Variants in PCDHGA4 observed in about 807,000 individuals in gnomAD.
PCDHGA4 encodes the protein protocadherin gamma-A4.
PCDHGA4 carries 38 observed loss-of-function variants against 54.6 expected under a neutral mutation model. The observed-to-expected ratio is 0.70, with a 90% CI of 0.54 to 0.91. The LOEUF (loss-of-function observed/expected upper bound fraction) is 0.91. Ranked by LOEUF, PCDHGA4 falls within the 40% of genes least tolerant of loss-of-function variation. The probability of loss-of-function intolerance (pLI) is 0.00; values close to 1 mark genes in which losing one functional copy is unlikely to be tolerated. For missense variants in PCDHGA4, 1,298 were observed against 1,220.9 expected, an observed-to-expected ratio of 1.06 and a Z score of -0.94; for synonymous variants, 511 against 512.9, an observed-to-expected ratio of 1.00 and a Z score of 0.05.
intron 1 of PCDHGA4, chr5:141,389,851 CCA>C (rs2091943018): frequency 6.2e-7 from 1 of 1,613,936 alleles, no homozygotes; most frequent in Non-Finnish European, 8.5e-7. Context: ...TCGGCCACTG[CCA>C]CGTTGCACCT....
At chr5:141,494,755 C>T (rs1246224213) in intron 1 of PCDHGA4, 52 bp from the exon 2 acceptor site, 18 of 1,613,724 alleles carry the variant, frequency 1.1e-5, no homozygotes, top group African/African-American at 1.3e-5. Context: ...GCTCGGGTGA[C>T]ATTCTAACTT....
At position 141,409,547 on chromosome 5, in the gene PCDHGA4, G is replaced by T. The variant is rs760802690; in HGVS notation, c.2514+51926G>T. Reference sequence around the variant, plus strand: ...GTATGTCGCTGACATCAACGACAACGCCCCAGTTTTCGACCAGACGTCCTA... The same window carrying T: ...GTATGTCGCTGACATCAACGACAACTCCCCAGTTTTCGACCAGACGTCCTA... On this transcript the variant is annotated intron_variant, in intron 1 of 3. Coordinates refer to ENST00000571252, the MANE Select transcript of PCDHGA4 (RefSeq NM_018917.4). The T allele has an allele frequency of 2.4e-5, 39 of 1,613,818 alleles. No individual in the cohort carries two copies. The highest frequency in any genetic ancestry group is 3.1e-5 in the Non-Finnish European group (36 of 1,179,900).
intron 1 of PCDHGA4, among the ~76,000 whole-genome samples, chr5:141,401,525 G>A (rs1055771013): frequency 6.6e-6 from 1 of 152,096 alleles, no homozygotes; most frequent in Non-Finnish European, 1.5e-5. Flanking sequence ...ATTACCAGAA[G>A]AAACTTACAA....
intron 1 of PCDHGA4, chr5:141,398,763 G>C (rs767181565): frequency 3.7e-6 from 6 of 1,613,788 alleles, no homozygotes; most frequent in Non-Finnish European, 5.1e-6. Flanking sequence ...GTTTAGTCCT[G>C]ACTGCCTTGG....
intron 1 of PCDHGA4, chr5:141,415,732 T>G (rs1159160519): frequency 5.0e-6 from 7 of 1,411,138 alleles, no homozygotes; most frequent in Non-Finnish European, 6.5e-6. Context: ...AATTTGATGT[T>G]TATTAAGGTT....
At chr5:141,389,843 G>T (rs372102656) in intron 1 of PCDHGA4, 3 of 1,614,016 alleles carry the variant, frequency 1.9e-6, no homozygotes, top group Non-Finnish European at 2.5e-6. Context: ...CACCACTCTC[G>T]GCCACTGCCA....
At position 141,422,119 on chromosome 5, in the gene PCDHGA4, C is replaced by T. The variant is rs778866054; in HGVS notation, c.2514+64498C>T. 26 of 1,603,658 alleles carry T rather than the reference C, an allele frequency of 1.6e-5. No homozygotes were observed. In the Admixed American group the frequency reaches 4.2e-4, roughly 26 times the overall value. ...TTCTGAAATATTCCAATTGGATTCA[C>T]AAACTGGAGAAGTTCAAGTACGGGG... On this transcript the variant is annotated intron_variant, in intron 1 of 3. Transcript: ENST00000571252.
In PCDHGA4 at chr5:141,487,160, G is replaced by A. The variant is rs1188929436; in HGVS notation, c.2515-7647G>A. 5.0e-6 allele frequency: 8 copies of A among 1,613,830 alleles called. No homozygotes were observed. The highest frequency in any genetic ancestry group is 5.1e-6 in the Non-Finnish European group (6 of 1,179,840). ...ACTCTCTACCTCTGTTACTCTCTTA[G>A]TGTCCTTAGAGGAAGACACTCATCC... On this transcript the variant is annotated intron_variant, in intron 1 of 3. Transcript: ENST00000571252. The surrounding 1 kb of genome is among the most constrained non-coding windows in gnomAD (Gnocchi z 5.0).
chr5:141,430,404 A>C (rs1054341813), intron 1 of PCDHGA4, among the ~76,000 whole-genome samples: 1 of 152,000 alleles, frequency 6.6e-6, no homozygotes, highest in African/African-American at 2.4e-5. Context: ...AAAGCTCACT[A>C]AAGTTTCTAT....
rs1309165721 is a variant in PCDHGA4 at position 141,430,655 on chromosome 5, G to A, written c.2515-64152G>A. On this transcript the variant is annotated intron_variant, in intron 1 of 3. Coordinates refer to ENST00000571252, the MANE Select transcript of PCDHGA4 (RefSeq NM_018917.4). Reference sequence around the variant, plus strand: ...ATCCCTGGGAGTATGTGGAAACAACGGAGGAGCTCTGACTTCCCAACTGTC... The same window carrying A: ...ATCCCTGGGAGTATGTGGAAACAACAGAGGAGCTCTGACTTCCCAACTGTC... 4.6e-6 allele frequency: 5 copies of A among 1,084,938 alleles called. No individual in the cohort carries two copies. In the East Asian group the frequency reaches 7.8e-5, roughly 17 times the overall value. 67.2% of individuals were successfully genotyped at this position (1,084,938 alleles called of 1,614,324 possible).
chr5:141,489,594 T>A lies in PCDHGA4; in HGVS notation c.2515-5213T>A. The A allele has an allele frequency of 2.5e-6, 4 of 1,614,076 alleles. No homozygotes were observed. Among genetic ancestry groups the A allele is most frequent in the Non-Finnish European group, 3.4e-6 (4 of 1,179,982 alleles). ...CTGAACACCCCCTGGAGCTAATCCG[T>A]GTAGAGGTAGAGATCCTGGATCTCA... On this transcript the variant is annotated intron_variant, in intron 1 of 3. Coordinates refer to ENST00000571252, the MANE Select transcript of PCDHGA4 (RefSeq NM_018917.4). This position sits in a 1 kb window ranked among gnomAD's most constrained non-coding sequence, Gnocchi z 4.5.
intron 1 of PCDHGA4, among the ~76,000 whole-genome samples, chr5:141,387,076 G>T (rs531327789): frequency 2.8e-4 from 42 of 152,310 alleles, no homozygotes; most frequent in African/African-American, 9.4e-4. Flanking sequence ...GTAGGCTACT[G>T]CCTGTGATCA....
rs899154780 is a variant in PCDHGA4, at chr5:141,402,932, A to C, written c.2514+45311A>C. ...AGCGCGCACAGAGATCCTTTTGAGAAAATTCCAAAGCGAGGCAGCAATGGC... is the reference window on the plus strand; with the variant it reads ...AGCGCGCACAGAGATCCTTTTGAGACAATTCCAAAGCGAGGCAGCAATGGC... On this transcript the variant is annotated intron_variant, in intron 1 of 3. Coordinates refer to ENST00000571252, the MANE Select transcript of PCDHGA4 (RefSeq NM_018917.4). 3 of 1,584,974 alleles carry C rather than the reference A, an allele frequency of 1.9e-6. No individual in the cohort carries two copies. In the Admixed American group the frequency reaches 5.4e-5, roughly 29 times the overall value.
At chr5:141,383,570 G>T in intron 1 of PCDHGA4, 2 of 1,613,234 alleles carry the variant, frequency 1.2e-6, no homozygotes, top group Non-Finnish European at 1.7e-6. Context: ...CCCCGATCCA[G>T]CACCGCCCAC....
chr5:141,422,087 G>A, intron 1 of PCDHGA4: 6 of 1,611,966 alleles, frequency 3.7e-6, no homozygotes, highest in Non-Finnish European at 5.1e-6. Context: ...AACATGGAAA[G>A]CAAGGCTTCT....
rs1368451336 is a variant in PCDHGA4 at position 141,505,377 on chromosome 5, C to T, written c.2574-16C>T. ...CGGCCTGGGAGTCTGTGCTCACCAT[C>T]CTACTCTCTCCCCAGCTCCCAAAAT... On this transcript the variant is annotated splice_polypyrimidine_tract_variant and intron_variant, in intron 2 of 3. Transcript: ENST00000571252. The T allele has an allele frequency of 6.2e-7, 1 of 1,614,036 alleles. No individual in the cohort carries two copies. Among genetic ancestry groups the T allele is most frequent in the Non-Finnish European group, 8.5e-7 (1 of 1,179,954 alleles).
rs748105196 is a variant in PCDHGA4 at position 141,486,849 on chromosome 5, A to G, written c.2515-7958A>G. ...GTTCGTCTATTTGTGCTGGACCTCA[A>G]TGACAATGCTCCAGCTGTGCTCCGT... is the stretch of plus-strand genomic sequence containing the variant. On this transcript the variant is annotated intron_variant, in intron 1 of 3. Coordinates refer to ENST00000571252, the MANE Select transcript of PCDHGA4 (RefSeq NM_018917.4). The surrounding 1 kb of genome is among the most constrained non-coding windows in gnomAD (Gnocchi z 5.0). 4.3e-6 allele frequency: 7 copies of G among 1,614,110 alleles called. No individual in the cohort carries two copies. The highest frequency in any genetic ancestry group is 5.1e-6 in the Non-Finnish European group (6 of 1,180,036).
At chr5:141,478,804 G>C (rs765938054) in intron 1 of PCDHGA4, 48 of 1,462,396 alleles carry the variant, frequency 3.3e-5, no homozygotes, top group Non-Finnish European at 4.1e-5. Context: ...GCACTCTTTT[G>C]CTATCACAAC....
Position 141,474,403 on chromosome 5 carries a change from C to T in PCDHGA4, c.2515-20404C>T, listed in dbSNP as rs553745731. ...ATTTCTGCATTTCTAACAAGCTCCC[C>T]GGTGATGCCTAGACCATTGGTCCTC... is the stretch of plus-strand genomic sequence containing the variant. On this transcript the variant is annotated intron_variant, in intron 1 of 3. Coordinates refer to ENST00000571252, the MANE Select transcript of PCDHGA4 (RefSeq NM_018917.4). Among the ~76,000 whole-genome samples, 121 of 152,282 alleles carry T rather than the reference C, an allele frequency of 7.9e-4. 1 individual carries two copies. Among genetic ancestry groups the T allele is most frequent in the Admixed American group, 3.9e-3 (59 of 15,292 alleles).
Sources: gnomAD v4.1 joint callset for allele counts (sites outside exome capture counted in the v4.1 genomes callset) on GRCh38, gnomAD v4.1.1 for gene constraint, Gnocchi (gnomAD v3.1) non-coding constraint, MANE v1.5 for transcripts, NCBI Gene and HGNC (gene_info 2026-07-23, HGNC 2026-07-21) for gene names.